Variants in DOK6 observed in about 807,000 individuals in gnomAD.
DOK6 encodes docking protein 6, also known as downstream of tyrosine kinase 6.
DOK6 carries 22 observed loss-of-function variants against 44.0 expected under a neutral mutation model. That is an observed-to-expected ratio of 0.50 (90% confidence interval 0.36 to 0.71). The LOEUF (loss-of-function observed/expected upper bound fraction) is 0.71, where lower values mean the gene tolerates loss of function less well. Ranked by LOEUF, DOK6 falls within the 30% of genes least tolerant of loss-of-function variation. The probability of loss-of-function intolerance (pLI) is 0.00; values close to 1 mark genes in which losing one functional copy is unlikely to be tolerated. For synonymous variants in DOK6, 166 were observed against 145.5 expected, an observed-to-expected ratio of 1.14 and a Z score of -1.01; for missense variants, 340 against 416.4, an observed-to-expected ratio of 0.82 and a Z score of 1.60.
At chr18:69,612,791 C>T (rs1196814147) in intron 3 of DOK6, among the ~76,000 whole-genome samples, 26 of 152,050 alleles carry the variant, frequency 1.7e-4, no homozygotes, top group Non-Finnish European at 1.6e-4. Flanking sequence ...TTAATTAATA[C>T]CTGAATTAGT....
chr18:69,668,066 A>G (rs1455422912), intron 3 of DOK6, among the ~76,000 whole-genome samples: 1 of 152,128 alleles, frequency 6.6e-6, no homozygotes, highest in African/African-American at 2.4e-5. Flanking sequence ...CCATTTTTCC[A>G]GTTGTAAAGG....
At position 69,744,685 on chromosome 18, in the gene DOK6, G is replaced by A. The variant is rs1376857857; in HGVS notation, c.738+5582G>A. Reference sequence around the variant, plus strand: ...CACGCCTGTAACCCCTGCACTTTGGGAGGCCGAGGCGGACAGATCACTTGA... The same window carrying A: ...CACGCCTGTAACCCCTGCACTTTGGAAGGCCGAGGCGGACAGATCACTTGA... On this transcript the variant is annotated intron_variant, in intron 6 of 7. Transcript: ENST00000382713. Among the ~76,000 whole-genome samples the A allele has an allele frequency of 2.0e-5, 3 of 152,164 alleles. No individual in the cohort carries two copies. In the South Asian group the frequency reaches 6.2e-4, roughly 32 times the overall value.
chr18:69,533,357 T>C (rs763169249), intron 1 of DOK6, among the ~76,000 whole-genome samples: 1 of 152,172 alleles, frequency 6.6e-6, no homozygotes, highest in Non-Finnish European at 1.5e-5. Context: ...AAAATTATTT[T>C]TAGTGTGGCT....
intron 1 of DOK6, among the ~76,000 whole-genome samples, chr18:69,403,447 G>A (rs1230454831): frequency 6.6e-6 from 1 of 152,156 alleles, no homozygotes; most frequent in Non-Finnish European, 1.5e-5. Context: ...CACTTACAAA[G>A]CCTCTTTTGC....
chr18:69,530,071 A>C (rs758469499), intron 1 of DOK6, among the ~76,000 whole-genome samples: 3 of 152,116 alleles, frequency 2.0e-5, no homozygotes, highest in Non-Finnish European at 4.4e-5. Flanking sequence ...TATAAAAAGC[A>C]CTCAAAATTA....
chr18:69,593,258 G>T (rs1983663072), intron 2 of DOK6, among the ~76,000 whole-genome samples: 1 of 151,998 alleles, frequency 6.6e-6, no homozygotes, highest in Admixed American at 6.6e-5. Flanking sequence ...TGTAGTCCCA[G>T]CTACTTGGAA....
intron 7 of DOK6, among the ~76,000 whole-genome samples, chr18:69,830,840 C>A (rs920666992): frequency 6.6e-6 from 1 of 152,126 alleles, no homozygotes; most frequent in Non-Finnish European, 1.5e-5. Context: ...ATGTTCAGGG[C>A]AATGCTTTGG....
At chr18:69,456,382 T>C (rs558466220) in intron 1 of DOK6, among the ~76,000 whole-genome samples, 66 of 152,230 alleles carry the variant, frequency 4.3e-4, no homozygotes, top group African/African-American at 1.5e-3. Context: ...CTCCTACTTA[T>C]AAGTGAGAAC....
intron 3 of DOK6, among the ~76,000 whole-genome samples, chr18:69,673,859 T>C (rs964298499): frequency 2.0e-5 from 3 of 152,222 alleles, no homozygotes; most frequent in African/African-American, 7.2e-5. Context: ...TAAAAAACTT[T>C]ATAGAACCCT....
intron 1 of DOK6, among the ~76,000 whole-genome samples, chr18:69,478,664 A>C (rs939670243): frequency 1.3e-5 from 2 of 152,168 alleles, no homozygotes; most frequent in African/African-American, 4.8e-5. Context: ...ATAAGTTTTA[A>C]TTTACAGAAA....
intron 5 of DOK6, among the ~76,000 whole-genome samples, chr18:69,725,484 A>T (rs995852496): frequency 2.6e-5 from 4 of 152,120 alleles, no homozygotes; most frequent in African/African-American, 9.7e-5. Context: ...TATTTTTATT[A>T]ATTTTTAAAT....
At chr18:69,448,451 AACCTCTGCCTCTC>A (rs1979360365) in intron 1 of DOK6, among the ~76,000 whole-genome samples, 1 of 152,044 alleles carries the variant, frequency 6.6e-6, no homozygotes, top group Non-Finnish European at 1.5e-5. Context: ...AGCTCACTGC[AACCTCTGCCTCTC>A]GGGTTCAAGT....
At chr18:69,629,414 T>C (rs1423302580) in intron 3 of DOK6, among the ~76,000 whole-genome samples, 1 of 152,216 alleles carries the variant, frequency 6.6e-6, no homozygotes, top group Non-Finnish European at 1.5e-5. Context: ...ATGTTGCACA[T>C]CCCACATATG....
intron 1 of DOK6, among the ~76,000 whole-genome samples, chr18:69,463,298 C>A (rs554429080): frequency 6.6e-6 from 1 of 152,062 alleles, no homozygotes; most frequent in Non-Finnish European, 1.5e-5. Context: ...ATCACCGTGG[C>A]GATTAGGATT....
rs2145145011 is a variant in DOK6 at position 69,845,156 on chromosome 18, TAGTGATAC to T, written c.*3779_*3786del. On this transcript the variant is annotated 3_prime_UTR_variant, in exon 8 of 8. Coordinates refer to ENST00000382713, the MANE Select transcript of DOK6 (RefSeq NM_152721.6). ...TGAGCCATTTACTAAAATTGGCCATTAGTGATACAGTGAAAACAAGCTAAGGAAATGAT... is the reference window on the plus strand; with the variant it reads ...TGAGCCATTTACTAAAATTGGCCATTAGTGAAAACAAGCTAAGGAAATGAT... 6.6e-6 allele frequency: 1 copy of T among 152,320 alleles called. No homozygotes were observed. The highest frequency in any genetic ancestry group is 1.9e-4 in the East Asian group (1 of 5,190). 9.4% of individuals were successfully genotyped at this position (152,320 alleles called of 1,614,324 possible). A position where few individuals can be genotyped will look rare whatever the true frequency, so the allele number is the denominator to read the frequency against.
intron 1 of DOK6, among the ~76,000 whole-genome samples, chr18:69,437,840 T>C (rs970864283): frequency 6.6e-6 from 1 of 152,122 alleles, no homozygotes; most frequent in African/African-American, 2.4e-5. Flanking sequence ...GTAAAGCAAA[T>C]ATCAAAAAGA....
chr18:69,608,815 T>C (rs1984063040), intron 3 of DOK6, among the ~76,000 whole-genome samples: 2 of 152,000 alleles, frequency 1.3e-5, no homozygotes. Flanking sequence ...GTGGGCGTGG[T>C]GGCAGGCGCC....
chr18:69,445,797 G>C (rs951506897), intron 1 of DOK6, among the ~76,000 whole-genome samples: 3 of 152,128 alleles, frequency 2.0e-5, no homozygotes, highest in African/African-American at 7.2e-5. Context: ...GACACGGGAG[G>C]ATCACTTGAG....
intron 5 of DOK6, among the ~76,000 whole-genome samples, chr18:69,725,541 G>A (rs1448383467): frequency 6.6e-6 from 1 of 152,202 alleles, no homozygotes; most frequent in Non-Finnish European, 1.5e-5. Flanking sequence ...TGGCTGGAGT[G>A]CAGTGGCACG....
Sources: gnomAD v4.1 joint callset for allele counts (sites outside exome capture counted in the v4.1 genomes callset) on GRCh38, gnomAD v4.1.1 for gene constraint, MANE v1.5 for transcripts, NCBI Gene and HGNC (gene_info 2026-07-23, HGNC 2026-07-21) for gene names.